The following CLTCL1 variants were observed in gnomAD, a reference collection of about 807,000 sequenced individuals.
CLTCL1 encodes the protein clathrin heavy chain like 1, also known as clathrin heavy chain 2.
Under a neutral mutation model 190.0 loss-of-function variants are expected in CLTCL1, and 159 were observed. The observed-to-expected ratio is 0.84, with a 90% CI of 0.74 to 0.95. The LOEUF is 0.95. Among genes scored for constraint, CLTCL1 ranks in the 40% least tolerant of loss-of-function variants. The pLI, the probability that CLTCL1 is intolerant of heterozygous loss-of-function variation, is 0.00. For missense variants in CLTCL1, 1,878 were observed against 2,033.4 expected, an observed-to-expected ratio of 0.92 and a Z score of 1.47; for synonymous variants, 752 against 769.6, an observed-to-expected ratio of 0.98 and a Z score of 0.38.
intron 19 of CLTCL1, among the ~76,000 whole-genome samples, chr22:19,210,986 C>T (rs181528906): frequency 2.0e-5 from 3 of 152,150 alleles, no homozygotes; most frequent in South Asian, 2.1e-4. Flanking sequence ...TCCCACCTTG[C>T]CCCCACAAAG....
chr22:19,257,051 C>T (rs1443360073), intron 2 of CLTCL1, among the ~76,000 whole-genome samples: 1 of 152,094 alleles, frequency 6.6e-6, no homozygotes, highest in Non-Finnish European at 1.5e-5. Flanking sequence ...TCAAAAAACT[C>T]AATAGGCCCA....
chr22:19,211,850 A>G (rs190914611), intron 19 of CLTCL1, among the ~76,000 whole-genome samples: 44 of 151,990 alleles, frequency 2.9e-4, no homozygotes, highest in Non-Finnish European at 7.4e-5. Flanking sequence ...AAATCTACAA[A>G]AAAAAAAAAA....
chr22:19,186,941 T>A (rs1569144611), intron 29 of CLTCL1, among the ~76,000 whole-genome samples: 1 of 80,346 alleles, frequency 1.2e-5, no homozygotes, highest in Admixed American at 1.2e-4. Context: ...ATTCCTCAAA[T>A]CTTTTTTTTT....
chr22:19,241,666 T>C (rs755636868), intron 4 of CLTCL1, among the ~76,000 whole-genome samples: 6 of 152,238 alleles, frequency 3.9e-5, no homozygotes, highest in African/African-American at 9.6e-5. Context: ...GCTCTCCAAG[T>C]GGCTGAGACC....
rs782682932 is a variant in CLTCL1 at position 19,222,692 on chromosome 22, C to T, written c.2410G>A (p.Val804Met). The change falls in exon 15 of 33, where the codon GTG (valine) becomes ATG (methionine). Residue 804 changes from valine (V) to methionine (M), a missense_variant. Transcript: ENST00000427926. ...CAGGGAGCCAGCAGTACCTTCTGCA[C>T]GTAGATCTCAATGTACCTCTGCAGG... is the stretch of plus-strand genomic sequence containing the variant. ...NNLQRYIEIYVQKVNPSRTPA... is the reference protein window; with the variant it reads ...NNLQRYIEIYMQKVNPSRTPA... 24 of 1,590,488 alleles carry T rather than the reference C, an allele frequency of 1.5e-5. No individual in the cohort carries two copies. Among genetic ancestry groups the T allele is most frequent in the East Asian group, 9.1e-5 (4 of 43,964 alleles).
chr22:19,188,308 C>T (rs1392560237), intron 27 of CLTCL1, among the ~76,000 whole-genome samples: 1 of 152,230 alleles, frequency 6.6e-6, no homozygotes, highest in African/African-American at 2.4e-5. Flanking sequence ...GACATTCACA[C>T]CTTAGAGAGA....
intron 19 of CLTCL1, among the ~76,000 whole-genome samples, chr22:19,211,180 T>C (rs1329582318): frequency 6.6e-6 from 1 of 152,158 alleles, no homozygotes; most frequent in Non-Finnish European, 1.5e-5. Flanking sequence ...CTTTATCAAA[T>C]GATCAGAAAA....
intron 2 of CLTCL1, among the ~76,000 whole-genome samples, chr22:19,275,024 C>T (rs1555982470): frequency 1.3e-5 from 2 of 152,098 alleles, no homozygotes; most frequent in Non-Finnish European, 2.9e-5. Flanking sequence ...TCACTGCGCC[C>T]GGCCCAGTTT....
rs782517620 is a variant in CLTCL1 at position 19,254,228 on chromosome 22, C to A, written c.251-1G>T. ...TTAAAGATCTGAAGTGTCTTCCCAG[C>A]TAGTATTTGATATAATAGAGATTAG... On this transcript the variant is annotated splice_acceptor_variant, in intron 2 of 32. Coordinates refer to ENST00000427926, the MANE Select transcript of CLTCL1 (RefSeq NM_007098.4). LOFTEE classifies it high-confidence loss of function. 2 of 1,607,790 alleles carry A rather than the reference C, an allele frequency of 1.2e-6. No individual in the cohort carries two copies. The highest frequency in any genetic ancestry group is 2.2e-5 in the South Asian group (2 of 90,908).
rs1284397205 is a variant in CLTCL1, at chr22:19,191,317, C to CT, written c.4309dup (p.Ser1437LysfsTer29). 3 of 1,613,974 alleles carry CT rather than the reference C, an allele frequency of 1.9e-6. No homozygotes were observed. Among genetic ancestry groups the CT allele is most frequent in the African/African-American group, 2.7e-5 (2 of 75,042 alleles). ...TGGTTGACTCACCTTTGAAAAGAAA[C>CT]TGACTGTCCAGGTGTGGTCCAGCCG... On this transcript the variant is annotated frameshift_variant, in exon 27 of 33. Coordinates refer to ENST00000427926, the MANE Select transcript of CLTCL1 (RefSeq NM_007098.4). LOFTEE classifies it high-confidence loss of function.
intron 30 of CLTCL1, chr22:19,182,904 T>C: frequency 5.8e-6 from 1 of 172,962 alleles, no homozygotes; most frequent in Non-Finnish European, 1.2e-5. Flanking sequence ...AGGCAGAGAG[T>C]CATCCTCCCT....
At chr22:19,214,393 G>A (rs2085322723) in intron 19 of CLTCL1, among the ~76,000 whole-genome samples, 1 of 152,120 alleles carries the variant, frequency 6.6e-6, no homozygotes, top group African/African-American at 2.4e-5. Context: ...TCTCACCGGA[G>A]GGTGTGCTCA....
Position 19,234,616 on chromosome 22 carries a change from GA to G in CLTCL1, c.1059del (p.Arg354ValfsTer12). 6.2e-7 allele frequency: 1 copy of G among 1,614,008 alleles called. No individual in the cohort carries two copies. Among genetic ancestry groups the G allele is most frequent in the Non-Finnish European group, 8.5e-7 (1 of 1,179,892 alleles). On this transcript the variant is annotated frameshift_variant, in exon 7 of 33. Coordinates refer to ENST00000427926, the MANE Select transcript of CLTCL1 (RefSeq NM_007098.4). LOFTEE classifies it high-confidence loss of function. ...QNPDLGLRLA[V>X]RSNLAGAEKL... ...TTCTCTGCCCCAGCCAGGTTACTACGAACGGCCAAACGCAGACCAAGGTCTG... is the reference window on the plus strand; with the variant it reads ...TTCTCTGCCCCAGCCAGGTTACTACGACGGCCAAACGCAGACCAAGGTCTG...
Position 19,233,606 on chromosome 22 carries a change from C to G in CLTCL1, c.1184G>C (p.Arg395Thr). ...ACTCTGGAATTTCTGGACCGTCTCT[C>G]TGGTACGCAGGATTCCCTAATAATA... ...ASAPKGILRT[R>T]ETVQKFQSIP... Residue 395 changes from arginine to threonine, a missense_variant, in exon 8 of 33, where the codon AGA becomes ACA. Transcript: ENST00000427926. The G allele has an allele frequency of 6.2e-7, 1 of 1,613,408 alleles. No individual in the cohort carries two copies. Among genetic ancestry groups the G allele is most frequent in the African/African-American group, 1.3e-5 (1 of 75,006 alleles).
intron 11 of CLTCL1, among the ~76,000 whole-genome samples, chr22:19,228,044 CTCTT>C (rs1234572204): frequency 3.9e-5 from 6 of 152,206 alleles, no homozygotes; most frequent in Non-Finnish European, 8.8e-5. Flanking sequence ...ACCTGGCACA[CTCTT>C]TCTTATTCCT....
chr22:19,289,913 A>C (rs1293347673), intron 1 of CLTCL1, among the ~76,000 whole-genome samples: 1 of 152,200 alleles, frequency 6.6e-6, no homozygotes, highest in Non-Finnish European at 1.5e-5. Context: ...CAGGGATTTA[A>C]GGAACAGGCT....
intron 2 of CLTCL1, among the ~76,000 whole-genome samples, chr22:19,264,291 A>C (rs2087048998): frequency 6.6e-6 from 1 of 152,102 alleles, no homozygotes; most frequent in Non-Finnish European, 1.5e-5. Flanking sequence ...AAACAATACA[A>C]ATAACAAGTG....
intron 3 of CLTCL1, among the ~76,000 whole-genome samples, chr22:19,243,697 C>CTTTTTTTTTTTTT (rs1175325908): frequency 5.1e-4 from 55 of 107,894 alleles, no homozygotes; most frequent in Non-Finnish European, 5.8e-4. Flanking sequence ...TTCTTTCTTT[C>CTTTTTTTTTTTTT]TTTTTTTTTT....
At chr22:19,266,921 C>G (rs986287107) in intron 2 of CLTCL1, among the ~76,000 whole-genome samples, 7 of 152,174 alleles carry the variant, frequency 4.6e-5, no homozygotes, top group Non-Finnish European at 7.3e-5. Context: ...AAAACTCCCC[C>G]CTAAGGTCAG....
Sources: allele counts gnomAD v4.1 joint callset (sites outside exome capture counted in the v4.1 genomes callset), GRCh38; gene constraint gnomAD v4.1.1; transcripts MANE v1.5; gene names NCBI Gene and HGNC (gene_info 2026-07-23, HGNC 2026-07-21).